DAB1: variants seen among roughly 807,000 people sequenced by gnomAD.
DAB1 encodes the protein disabled homolog 1.
A neutral mutation model predicts 64.6 loss-of-function variants in DAB1; 15 were observed. That is an observed-to-expected ratio of 0.23 (90% CI 0.16 to 0.36). The LOEUF (loss-of-function observed/expected upper bound fraction) is 0.36. Among genes scored for constraint, DAB1 ranks in the 10% least tolerant of loss-of-function variants. The pLI, the probability that DAB1 is intolerant of heterozygous loss-of-function variation, is 1.00. For synonymous variants in DAB1, 235 were observed against 251.9 expected (o/e 0.93, Z 0.64); for missense variants, 596 against 706.7 (o/e 0.84, Z 1.78).
chr1:57,543,925 A>G (rs1348454938), intron 7 of DAB1, among the ~76,000 whole-genome samples: 3 of 152,100 alleles, frequency 2.0e-5, no homozygotes, highest in Non-Finnish European at 4.4e-5. Context: ...TGGGCAACAT[A>G]GCAAGACCCC....
At chr1:57,800,486 G>A (rs1407083709) in intron 6 of DAB1, among the ~76,000 whole-genome samples, 2 of 152,186 alleles carry the variant, frequency 1.3e-5, no homozygotes, top group Non-Finnish European at 2.9e-5. Flanking sequence ...CACTCTTGAT[G>A]TGGTAATTGT....
At chr1:57,361,511 G>A (rs184098586) in intron 1 of DAB1, among the ~76,000 whole-genome samples, 2 of 152,170 alleles carry the variant, frequency 1.3e-5, no homozygotes, top group African/African-American at 2.4e-5. Flanking sequence ...TGCATCCTTT[G>A]CCATGTCACT....
At chr1:57,635,004 G>A (rs1056823008) in intron 7 of DAB1, among the ~76,000 whole-genome samples, 1 of 152,166 alleles carries the variant, frequency 6.6e-6, no homozygotes, top group African/African-American at 2.4e-5. Context: ...TAGGCAGAGG[G>A]ACGGCCAGTT....
intron 2 of DAB1, among the ~76,000 whole-genome samples, chr1:57,221,421 G>T (rs1311720314): frequency 6.6e-6 from 1 of 150,416 alleles, no homozygotes; most frequent in Non-Finnish European, 1.5e-5. Context: ...AGGCTAACAC[G>T]GTATGACCAT....
intron 9 of DAB1, among the ~76,000 whole-genome samples, chr1:57,044,740 T>C (rs185656251): frequency 1.3e-5 from 2 of 152,340 alleles, no homozygotes; most frequent in Admixed American, 6.5e-5. Flanking sequence ...TTGGGATCAT[T>C]ATTTCTTGTT....
intron 2 of DAB1, among the ~76,000 whole-genome samples, chr1:58,508,676 C>T (rs1489968523): frequency 6.6e-6 from 1 of 152,106 alleles, no homozygotes; most frequent in Non-Finnish European, 1.5e-5. Flanking sequence ...TCTGTCTTGC[C>T]AGCCTTGTAG....
chr1:57,565,874 GA>G (rs1464160750), intron 7 of DAB1, among the ~76,000 whole-genome samples: 1 of 152,152 alleles, frequency 6.6e-6, no homozygotes, highest in Non-Finnish European at 1.5e-5. Flanking sequence ...CAATGAGACA[GA>G]AAGTTAACAA....
chr1:58,110,782 G>C lies in DAB1; in HGVS notation n.387+39729C>G, dbSNP rs78358126. ...TTAGAATATAAAATCTTTCTGGTTTGTTTTTGCTGAGTCTAGACTTCATGT... is the reference window on the plus strand; with the variant it reads ...TTAGAATATAAAATCTTTCTGGTTTCTTTTTGCTGAGTCTAGACTTCATGT... On this transcript the variant is annotated intron_variant and non_coding_transcript_variant, in intron 5 of 20. Coordinates refer to the DAB1 transcript ENST00000485760. Among the ~76,000 whole-genome samples the C allele has an allele frequency of 2.0e-3, 299 of 152,286 alleles. 1 individual carries two copies. Among genetic ancestry groups the C allele is most frequent in the African/African-American group, 6.9e-3 (285 of 41,546 alleles).
intron 6 of DAB1, among the ~76,000 whole-genome samples, chr1:57,784,238 A>G (rs535077834): frequency 6.6e-6 from 1 of 152,242 alleles, no homozygotes; most frequent in East Asian, 1.9e-4. Flanking sequence ...ACAAAAGAAT[A>G]CAAAAATTAG....
chr1:58,476,065 T>C (rs1318945584), intron 3 of DAB1, among the ~76,000 whole-genome samples: 1 of 152,054 alleles, frequency 6.6e-6, no homozygotes, highest in African/African-American at 2.4e-5. Context: ...AAAAAACAAA[T>C]CTGATTTTAG....
chr1:58,363,065 C>G (rs1306245075), intron 3 of DAB1, among the ~76,000 whole-genome samples: 1 of 152,142 alleles, frequency 6.6e-6, no homozygotes, highest in Admixed American at 6.6e-5. Flanking sequence ...TATAACAGCA[C>G]TAACCCATCA....
intron 7 of DAB1, among the ~76,000 whole-genome samples, chr1:57,644,157 C>T (rs1404384): frequency 0.44 from 67,390 of 151,880 alleles, 17,089 homozygotes; most frequent in East Asian, 0.68. Flanking sequence ...AAAAGCCTCT[C>T]TAGCATAGTA....
intron 4 of DAB1, among the ~76,000 whole-genome samples, chr1:57,132,146 C>T (rs938968071): frequency 1.3e-5 from 2 of 152,132 alleles, no homozygotes; most frequent in African/African-American, 4.8e-5. Flanking sequence ...AGTTAAACCC[C>T]AGTCTCTGAA....
At chr1:58,513,688 T>G (rs1476148923) in intron 2 of DAB1, among the ~76,000 whole-genome samples, 1 of 152,218 alleles carries the variant, frequency 6.6e-6, no homozygotes, top group Non-Finnish European at 1.5e-5. Context: ...ACTGATTATT[T>G]TATTTATTAA....
At chr1:58,296,110 C>A (rs376770366) in intron 4 of DAB1, among the ~76,000 whole-genome samples, 29 of 49,662 alleles carry the variant, frequency 5.8e-4, no homozygotes, top group Middle Eastern at 0.012. Flanking sequence ...AAAAAAAAAG[C>A]AAGAAAGCGA....
chr1:58,339,446 A>G (rs1663199496), intron 4 of DAB1, among the ~76,000 whole-genome samples: 1 of 152,194 alleles, frequency 6.6e-6, no homozygotes, highest in Admixed American at 6.5e-5. Context: ...TATTTTTCAT[A>G]TTATGTTACA....
intron 3 of DAB1, among the ~76,000 whole-genome samples, chr1:57,137,410 A>C (rs1377701359): frequency 6.6e-6 from 1 of 152,192 alleles, no homozygotes; most frequent in Non-Finnish European, 1.5e-5. Context: ...CTTAGCAAAT[A>C]ATTGCTAGAT....
intron 7 of DAB1, among the ~76,000 whole-genome samples, chr1:57,609,722 G>A (rs1645703163): frequency 6.6e-6 from 1 of 152,096 alleles, no homozygotes; most frequent in African/African-American, 2.4e-5. Flanking sequence ...AATCTAAAAT[G>A]CTATTTTAAC....
intron 7 of DAB1, among the ~76,000 whole-genome samples, chr1:57,439,418 G>GTTTTTTGTTTTT: frequency 5.6e-4 from 65 of 116,134 alleles, no homozygotes; most frequent in African/African-American, 6.7e-4. Flanking sequence ...TGGTGATGAG[G>GTTTTTTGTTTTT]TTTTTTCTTT....
Sources: gnomAD v4.1 joint callset for allele counts (sites outside exome capture counted in the v4.1 genomes callset) on GRCh38, gnomAD v4.1.1 for gene constraint, MANE v1.5 for transcripts, NCBI Gene and HGNC (gene_info 2026-07-23, HGNC 2026-07-21) for gene names.